The following SMURF2 variants were observed in gnomAD, a reference collection of about 807,000 sequenced individuals.
The protein encoded by SMURF2 is E3 ubiquitin-protein ligase SMURF2.
SMURF2 carries 48 observed loss-of-function variants against 109.6 expected under a neutral mutation model. The ratio of observed to expected loss-of-function variants is 0.44; its 90% CI spans 0.35 to 0.56. The LOEUF (loss-of-function observed/expected upper bound fraction) is 0.56. Ranked by LOEUF, SMURF2 falls within the 20% of genes least tolerant of loss-of-function variation. The pLI is 0.01. For missense variants in SMURF2, 575 were observed against 909.0 expected (o/e 0.63, Z 4.72); for synonymous variants, 288 against 317.1 (o/e 0.91, Z 0.97).
chr17:64,649,645 A>G (rs1555693302), intron 1 of SMURF2, among the ~76,000 whole-genome samples: 1 of 152,072 alleles, frequency 6.6e-6, no homozygotes, highest in Non-Finnish European at 1.5e-5. Flanking sequence ...AGTTTGAGAA[A>G]CAACCTGGCC....
intron 10 of SMURF2, among the ~76,000 whole-genome samples, chr17:64,570,701 T>C (rs1969385354): frequency 6.6e-6 from 1 of 152,198 alleles, no homozygotes; most frequent in African/African-American, 2.4e-5. Flanking sequence ...CCTCTATACC[T>C]CAGTTTCCTC....
In SMURF2 at chr17:64,553,769, A is replaced by G. The variant is rs1016843601; in HGVS notation, c.1748+1087T>C. Reference sequence around the variant, plus strand: ...GTGTTTCTGCAGAAGAGCCCTAAACACAGAGCTGCTAGTTGAAGGGCACAT... The same window carrying G: ...GTGTTTCTGCAGAAGAGCCCTAAACGCAGAGCTGCTAGTTGAAGGGCACAT... On this transcript the variant is annotated intron_variant, in intron 15 of 18. Coordinates refer to ENST00000262435, the MANE Select transcript of SMURF2 (RefSeq NM_022739.4). Among the ~76,000 whole-genome samples, 8 of 152,298 alleles carry G rather than the reference A, an allele frequency of 5.3e-5. No homozygotes were observed. The East Asian group carries it at 1.5e-3, about 29-fold the overall frequency.
chr17:64,607,839 C>T (rs374672445), intron 1 of SMURF2, among the ~76,000 whole-genome samples: 3 of 150,730 alleles, frequency 2.0e-5, no homozygotes, highest in East Asian at 1.9e-4. Context: ...GGTGTAGTGG[C>T]GCACACCTGT....
chr17:64,634,739 TAAAC>T (rs2144713807), intron 1 of SMURF2, among the ~76,000 whole-genome samples: 1 of 152,320 alleles, frequency 6.6e-6, no homozygotes, highest in South Asian at 2.1e-4. Flanking sequence ...AGAGCAGAAA[TAAAC>T]ATATTTGTTC....
intron 10 of SMURF2, among the ~76,000 whole-genome samples, chr17:64,571,173 G>GT (rs1297029162): frequency 6.6e-6 from 1 of 152,026 alleles, no homozygotes; most frequent in African/African-American, 2.4e-5. Context: ...TAATAATTTT[G>GT]TATTACAATG....
In SMURF2 at chr17:64,661,874, T is replaced by C. The variant is rs1970784197; in HGVS notation, c.7A>G (p.Asn3Asp). Residue 3 changes from asparagine (N) to aspartate (D), a missense_variant, in exon 1 of 19, where the codon AAC becomes GAC. Asn to Asp is a conservative substitution (Grantham distance 23, BLOSUM62 1). Around this residue, in one of 5 missense-constraint regions of SMURF2, gnomAD observed 30 missense variants for 34.5 expected, o/e 0.87. Coordinates refer to ENST00000262435, the MANE Select transcript of SMURF2 (RefSeq NM_022739.4). ...GGCCCGTTCCTCCGGCCTCCGGGGT[T>C]AGACATGTCCCCGGCGGCGGGGGCG... is the stretch of plus-strand genomic sequence containing the variant. The part of the protein sequence containing the change: MS[N>D]PGGRRNGPVK... 2 of 1,211,768 alleles carry C rather than the reference T, an allele frequency of 1.7e-6. No individual in the cohort carries two copies. Among genetic ancestry groups the C allele is most frequent in the Non-Finnish European group, 2.0e-6 (2 of 975,618 alleles). 75.1% of individuals were successfully genotyped at this position (1,211,768 alleles called of 1,614,324 possible).
At chr17:64,557,492 G>A in intron 13 of SMURF2, 116 bp downstream of exon 13, 2 of 694,406 alleles carry the variant, frequency 2.9e-6, no homozygotes, top group Non-Finnish European at 4.8e-6. Flanking sequence ...GGGAATTGCT[G>A]AGTCAAAGGG....
At chr17:64,583,265 A>G (rs1316185307) in intron 7 of SMURF2, among the ~76,000 whole-genome samples, 196 bp downstream of exon 7, 1 of 152,196 alleles carries the variant, frequency 6.6e-6, no homozygotes, top group Admixed American at 6.5e-5. Flanking sequence ...CCCTGGAGCT[A>G]CAATGACAGC....
intron 1 of SMURF2, among the ~76,000 whole-genome samples, chr17:64,614,888 G>A (rs1970100568): frequency 6.6e-6 from 1 of 152,092 alleles, no homozygotes; most frequent in South Asian, 2.1e-4. Flanking sequence ...TTTTATTGTT[G>A]TTTTCTCAAG....
chr17:64,654,341 T>C (rs188067991), intron 1 of SMURF2, among the ~76,000 whole-genome samples: 6 of 152,338 alleles, frequency 3.9e-5, no homozygotes, highest in Non-Finnish European at 7.3e-5. Flanking sequence ...GCCAATGCCA[T>C]CAGAAGCTAT....
intron 15 of SMURF2, among the ~76,000 whole-genome samples, chr17:64,553,435 G>A (rs1371207442): frequency 1.3e-5 from 2 of 151,932 alleles, no homozygotes; most frequent in African/African-American, 4.8e-5. Context: ...GAACCTGGGA[G>A]GCAGAGGTGC....
intron 1 of SMURF2, among the ~76,000 whole-genome samples, chr17:64,626,450 G>C (rs1970270315): frequency 6.6e-6 from 1 of 151,928 alleles, no homozygotes; most frequent in South Asian, 2.1e-4. Flanking sequence ...TTAACATAGA[G>C]CAGGAAGATT....
rs145194764 is a variant in SMURF2 at position 64,603,694 on chromosome 17, G to C, written c.91+2908C>G. Among the ~76,000 whole-genome samples, 1,083 of 151,914 alleles carry C rather than the reference G, an allele frequency of 7.1e-3. 14 individuals are homozygous for C. The highest frequency in any genetic ancestry group is 0.024 in the African/African-American group (992 of 41,432). On this transcript the variant is annotated intron_variant, in intron 2 of 18. Coordinates refer to ENST00000262435, the MANE Select transcript of SMURF2 (RefSeq NM_022739.4). ...AAAATTATTTTATCTGTTGCTTTAT[G>C]TTTGAAATTTTTCCTGCTAAAATTC...
intron 9 of SMURF2, 41 bp downstream of exon 9, chr17:64,578,451 G>T: frequency 1.6e-6 from 2 of 1,252,196 alleles, no homozygotes; most frequent in Non-Finnish European, 1.1e-6. Context: ...AGGTGAAATG[G>T]CTCTTTGATG....
intron 2 of SMURF2, among the ~76,000 whole-genome samples, chr17:64,599,535 C>T (rs773018645): frequency 6.6e-6 from 1 of 152,150 alleles, no homozygotes; most frequent in Non-Finnish European, 1.5e-5. Context: ...CTGTTACAAC[C>T]GGACCACAAA....
intron 13 of SMURF2, among the ~76,000 whole-genome samples, chr17:64,556,889 C>T (rs1023093941): frequency 4.6e-5 from 7 of 152,132 alleles, no homozygotes; most frequent in East Asian, 1.9e-4. Flanking sequence ...CACACGCGCA[C>T]GCACACAAAC....
chr17:64,641,657 G>A (rs949293132), intron 1 of SMURF2, among the ~76,000 whole-genome samples: 9 of 152,168 alleles, frequency 5.9e-5, no homozygotes, highest in Admixed American at 3.9e-4. Flanking sequence ...ACCAGCCCAT[G>A]TAGACAGACC....
chr17:64,584,365 T>C (rs1236009329), intron 6 of SMURF2, among the ~76,000 whole-genome samples: 2 of 145,082 alleles, frequency 1.4e-5, no homozygotes, highest in Non-Finnish European at 3.0e-5. Context: ...TTTTTTCTTT[T>C]TTTTTTTTTT....
chr17:64,595,288 A>C (rs563339068), intron 3 of SMURF2, among the ~76,000 whole-genome samples: 167 of 152,364 alleles, frequency 1.1e-3, no homozygotes, highest in Non-Finnish European at 1.4e-3. Context: ...TTAAGCGTAC[A>C]TGTCACAAAC....
Sources: gnomAD v4.1 joint callset for allele counts (sites outside exome capture counted in the v4.1 genomes callset) on GRCh38, gnomAD v4.1.1 for gene constraint, gnomAD v4.1.1 regional missense constraint, MANE v1.5 for transcripts, NCBI Gene and HGNC (gene_info 2026-07-23, HGNC 2026-07-21) for gene names.